RAD51B: variants seen among roughly 807,000 people sequenced by gnomAD.
RAD51B encodes DNA repair protein RAD51 homolog 2.
Under a neutral mutation model 42.2 loss-of-function variants are expected in RAD51B, and 38 were observed. That is an observed-to-expected ratio of 0.90 (90% confidence interval 0.70 to 1.18). The LOEUF is 1.18. Among genes scored for constraint, RAD51B ranks in the 50% most tolerant of loss-of-function variants. The pLI is 0.00. For missense variants in RAD51B, 373 were observed against 400.7 expected, an observed-to-expected ratio of 0.93 and a Z score of 0.59; for synonymous variants, 154 against 145.2, an observed-to-expected ratio of 1.06 and a Z score of -0.43.
intron 10 of RAD51B, among the ~76,000 whole-genome samples, chr14:68,516,566 G>A (rs897536005): frequency 6.6e-6 from 1 of 152,214 alleles, no homozygotes; most frequent in African/African-American, 2.4e-5. Flanking sequence ...TCAGATAATT[G>A]TGAATATTCT....
intron 7 of RAD51B, among the ~76,000 whole-genome samples, chr14:68,032,508 T>C (rs1318615161): frequency 6.6e-6 from 1 of 152,198 alleles, no homozygotes; most frequent in African/African-American, 2.4e-5. Context: ...ATCAGAAAAA[T>C]AGCAGATGCC....
intron 7 of RAD51B, among the ~76,000 whole-genome samples, chr14:68,107,652 G>A (rs563131785): frequency 2.3e-4 from 35 of 151,736 alleles, no homozygotes; most frequent in Non-Finnish European, 4.6e-4. Flanking sequence ...AATGAGAGTT[G>A]GGAAGTAAAC....
intron 8 of RAD51B, among the ~76,000 whole-genome samples, chr14:68,378,217 T>C (rs1353310160): frequency 6.6e-6 from 1 of 152,234 alleles, no homozygotes; most frequent in African/African-American, 2.4e-5. Context: ...CACTTCAATA[T>C]GTTTAAGTCT....
chr14:68,187,699 C>T (rs1000852242), intron 7 of RAD51B, among the ~76,000 whole-genome samples: 7 of 152,014 alleles, frequency 4.6e-5, no homozygotes, highest in Admixed American at 1.3e-4. Flanking sequence ...TTTTTCAATG[C>T]GTATATTAAC....
At chr14:67,961,697 C>T (rs980857846) in intron 7 of RAD51B, among the ~76,000 whole-genome samples, 6 of 152,156 alleles carry the variant, frequency 3.9e-5, no homozygotes, top group African/African-American at 1.4e-4. Flanking sequence ...TTAGACAAAT[C>T]ATTTCATCTC....
At chr14:68,095,837 G>C (rs370787089) in intron 7 of RAD51B, among the ~76,000 whole-genome samples, 3 of 151,862 alleles carry the variant, frequency 2.0e-5, no homozygotes, top group Admixed American at 2.0e-4. Context: ...TTAGCCAGGC[G>C]TGGTGGCGGG....
At position 68,682,014 on chromosome 14, in the gene RAD51B, T is replaced by A. The variant is rs139079828; in HGVS notation, c.*11+31158T>A. 1.1e-4 allele frequency among the ~76,000 whole-genome samples: 16 copies of A among 152,038 alleles called. No homozygotes were observed. The East Asian group carries it at 3.1e-3, about 29-fold the overall frequency. On this transcript the variant is annotated intron_variant, in intron 11 of 11. Transcript: ENST00000488612. ...GCAGAAATCACCACTGAAGAACTTA[T>A]CCATGTAACCAAAAACCACTCGTAC...
chr14:67,973,092 A>G (rs1395623131), intron 7 of RAD51B, among the ~76,000 whole-genome samples: 2 of 152,120 alleles, frequency 1.3e-5, no homozygotes, highest in Admixed American at 1.3e-4. Context: ...GGCCATATCT[A>G]TCAGCAACTT....
intron 7 of RAD51B, among the ~76,000 whole-genome samples, chr14:68,242,260 C>T (rs1308715047): frequency 6.6e-6 from 1 of 152,196 alleles, no homozygotes; most frequent in Non-Finnish European, 1.5e-5. Flanking sequence ...CATCACACTT[C>T]AAGGTACGCT....
chr14:68,403,412 C>A (rs1446530903), intron 8 of RAD51B, among the ~76,000 whole-genome samples: 1 of 151,960 alleles, frequency 6.6e-6, no homozygotes, highest in Non-Finnish European at 1.5e-5. Context: ...TCAGTTTGAT[C>A]TCCTAGAAAT....
chr14:68,422,078 C>G lies in RAD51B; in HGVS notation c.957+10551C>G, dbSNP rs1284609281. The G allele has an allele frequency of 4.6e-6, 7 of 1,518,650 alleles. No homozygotes were observed. In the Admixed American group the frequency reaches 5.0e-5, roughly 11 times the overall value. The allele number at this position is 1,518,650 out of a possible 1,614,324, so 94.1% of individuals were successfully genotyped here. ...ATAACCAAATCCTTTCTCTCCAGTG[C>G]TCGGAGCACGAAAATTTTCTGCTGT... On this transcript the variant is annotated intron_variant, in intron 9 of 10. Coordinates refer to ENST00000471583, the MANE Select transcript of RAD51B (RefSeq NM_133510.4).
At chr14:68,175,940 A>C (rs182841633) in intron 7 of RAD51B, among the ~76,000 whole-genome samples, 153 of 152,306 alleles carry the variant, frequency 1.0e-3, no homozygotes, top group Non-Finnish European at 1.8e-3. Flanking sequence ...TCAAATTTGC[A>C]ATATCTTTCA....
At chr14:68,399,449 G>T (rs2084027070) in intron 8 of RAD51B, among the ~76,000 whole-genome samples, 1 of 151,930 alleles carries the variant, frequency 6.6e-6, no homozygotes, top group Non-Finnish European at 1.5e-5. Context: ...GGTAGAGATG[G>T]GGTTTCACCG....
chr14:68,026,539 T>G lies in RAD51B; in HGVS notation c.756+139335T>G, dbSNP rs533956396. The stretch of plus-strand genomic sequence containing the variant: ...TGAATCTCGGTGCTCCAGTGTTGGG[T>G]GGGTATATATTTAGGATAGTTAAGT... On this transcript the variant is annotated intron_variant, in intron 7 of 10. Coordinates refer to ENST00000471583, the MANE Select transcript of RAD51B (RefSeq NM_133510.4). 3.9e-5 allele frequency among the ~76,000 whole-genome samples: 6 copies of G among 152,280 alleles called. No individual in the cohort carries two copies. In the East Asian group the frequency reaches 1.2e-3, roughly 29 times the overall value.
intron 5 of RAD51B, among the ~76,000 whole-genome samples, chr14:67,866,291 TTGAG>T (rs2042334764): frequency 6.6e-6 from 1 of 152,206 alleles, no homozygotes; most frequent in African/African-American, 2.4e-5. Context: ...AGAATAAACA[TTGAG>T]ACTACTGGAA....
intron 7 of RAD51B, among the ~76,000 whole-genome samples, chr14:67,982,669 TTATC>T (rs1270442883): frequency 1.3e-5 from 2 of 152,172 alleles, no homozygotes; most frequent in African/African-American, 2.4e-5. Flanking sequence ...ATCTCAATCT[TTATC>T]TATCAATATT....
At chr14:68,654,416 G>A (rs77045295) in intron 11 of RAD51B, among the ~76,000 whole-genome samples, 53 of 152,300 alleles carry the variant, frequency 3.5e-4, no homozygotes, top group African/African-American at 1.3e-3. Context: ...CAGGCTCATG[G>A]GAGATGTCTG....
At chr14:67,962,150 C>T (rs73282474) in intron 7 of RAD51B, among the ~76,000 whole-genome samples, 3,941 of 152,102 alleles carry the variant, frequency 0.026, 170 homozygotes, top group African/African-American at 0.09. Flanking sequence ...GGAGTGAAAG[C>T]GTGGAATAAT....
In RAD51B at chr14:68,344,164, G is replaced by A. The variant is rs529588084; in HGVS notation, c.853+52184G>A. Among the ~76,000 whole-genome samples, 137 of 152,180 alleles carry A rather than the reference G, an allele frequency of 9.0e-4. 1 individual carries two copies. Among genetic ancestry groups the A allele is most frequent in the Non-Finnish European group, 2.5e-4 (17 of 68,038 alleles). On this transcript the variant is annotated intron_variant, in intron 8 of 10. Coordinates refer to ENST00000471583, the MANE Select transcript of RAD51B (RefSeq NM_133510.4). ...TGGGAAGAGGGCCACCACCCGCCAC[G>A]TCCCAGAATGGTAGAGCCATGGGCA...
Sources: gnomAD v4.1 joint callset for allele counts (sites outside exome capture counted in the v4.1 genomes callset) on GRCh38, gnomAD v4.1.1 for gene constraint, MANE v1.5 for transcripts, NCBI Gene and HGNC (gene_info 2026-07-23, HGNC 2026-07-21) for gene names.